Variants in PDGFD observed in about 807,000 individuals in gnomAD.
PDGFD encodes platelet-derived growth factor D.
A neutral mutation model predicts 44.7 loss-of-function variants in PDGFD; 30 were observed. The observed-to-expected ratio is 0.67, with a 90% CI of 0.50 to 0.91. The LOEUF (loss-of-function observed/expected upper bound fraction) is 0.91. Ranked by LOEUF, PDGFD falls within the 40% of genes least tolerant of loss-of-function variation. The pLI is 0.00. For synonymous variants in PDGFD, 173 were observed against 168.4 expected, an observed-to-expected ratio of 1.03 and a Z score of -0.21; for missense variants, 445 against 457.8, an observed-to-expected ratio of 0.97 and a Z score of 0.25.
chr11:104,100,177 G>A (rs1236986817), intron 1 of PDGFD, among the ~76,000 whole-genome samples: 1 of 151,986 alleles, frequency 6.6e-6, no homozygotes, highest in African/African-American at 2.4e-5. Context: ...ACACACCTCT[G>A]GTCATTGAAC....
intron 3 of PDGFD, among the ~76,000 whole-genome samples, chr11:103,978,619 A>G (rs954023546): frequency 2.6e-5 from 4 of 152,020 alleles, no homozygotes; most frequent in Non-Finnish European, 4.4e-5. Context: ...ACATTTTAGA[A>G]AGTGCTTTCC....
At chr11:104,093,239 AG>A (rs1861235377) in intron 1 of PDGFD, among the ~76,000 whole-genome samples, 1 of 152,058 alleles carries the variant, frequency 6.6e-6, no homozygotes, top group African/African-American at 2.4e-5. Flanking sequence ...TCTAGAGAAA[AG>A]TGATGGGGGG....
intron 4 of PDGFD, 70 bp downstream of exon 4, chr11:103,947,592 G>T: frequency 8.3e-7 from 1 of 1,200,220 alleles, no homozygotes; most frequent in Non-Finnish European, 1.2e-6. Context: ...TGCAGGTGAA[G>T]TCCTTTTGGG....
At chr11:103,970,604 A>G (rs1201087973) in intron 3 of PDGFD, among the ~76,000 whole-genome samples, 3 of 152,156 alleles carry the variant, frequency 2.0e-5, no homozygotes, top group African/African-American at 7.2e-5. Flanking sequence ...GGCTGGGAAA[A>G]TGACTTAAGA....
At chr11:104,126,679 A>T (rs1861845808) in intron 1 of PDGFD, among the ~76,000 whole-genome samples, 1 of 152,126 alleles carries the variant, frequency 6.6e-6, no homozygotes, top group Non-Finnish European at 1.5e-5. Flanking sequence ...GGTGCTATAT[A>T]ACTGACATGC....
At chr11:103,938,136 T>C (rs1858522250) in intron 5 of PDGFD, among the ~76,000 whole-genome samples, 1 of 151,948 alleles carries the variant, frequency 6.6e-6, no homozygotes, top group African/African-American at 2.4e-5. Flanking sequence ...CACACTGACT[T>C]CCACAATGGT....
intron 4 of PDGFD, among the ~76,000 whole-genome samples, chr11:103,944,094 C>T (rs1242170675): frequency 6.6e-6 from 1 of 152,128 alleles, no homozygotes; most frequent in Admixed American, 6.6e-5. Context: ...TCCCCCTTTA[C>T]AGGTCACCTG....
At chr11:104,140,113 C>T (rs967175291) in intron 1 of PDGFD, among the ~76,000 whole-genome samples, 3 of 152,030 alleles carry the variant, frequency 2.0e-5, no homozygotes, top group South Asian at 4.2e-4. Context: ...TCTGTCTGAA[C>T]GAGAAAAACC....
At chr11:103,914,885 C>A (rs1380434096) in intron 6 of PDGFD, among the ~76,000 whole-genome samples, 2 of 152,162 alleles carry the variant, frequency 1.3e-5, no homozygotes, top group Non-Finnish European at 2.9e-5. Flanking sequence ...AGGCCTTTGT[C>A]AAAATTCAAC....
At chr11:104,110,445 T>C (rs1023778133) in intron 1 of PDGFD, among the ~76,000 whole-genome samples, 15 of 151,586 alleles carry the variant, frequency 9.9e-5, no homozygotes, top group African/African-American at 3.6e-4. Flanking sequence ...GGCATTTCTG[T>C]TTCTTAATAC....
At chr11:103,943,423 T>C (rs1483603493) in intron 5 of PDGFD, 29 bp downstream of exon 5, 2 of 1,587,292 alleles carry the variant, frequency 1.3e-6, no homozygotes, top group Non-Finnish European at 1.7e-6. Context: ...TATGTGCTTA[T>C]GAAGAATGTA....
chr11:104,048,241 A>C (rs1860473980), intron 1 of PDGFD, among the ~76,000 whole-genome samples: 1 of 152,136 alleles, frequency 6.6e-6, no homozygotes, highest in African/African-American at 2.4e-5. Context: ...AGACAAATCC[A>C]GCCAGCTAAG....
intron 3 of PDGFD, among the ~76,000 whole-genome samples, chr11:103,967,042 T>C (rs1329422369): frequency 6.6e-6 from 1 of 152,186 alleles, no homozygotes; most frequent in Non-Finnish European, 1.5e-5. Flanking sequence ...ATTTTTAGTC[T>C]AATACTTTCA....
At chr11:103,983,680 G>C (rs1374205524) in intron 3 of PDGFD, among the ~76,000 whole-genome samples, 1 of 151,748 alleles carries the variant, frequency 6.6e-6, no homozygotes, top group Non-Finnish European at 1.5e-5. Context: ...TCTGACAAAA[G>C]TCTAATATCC....
chr11:104,039,311 A>G (rs1860308201), intron 1 of PDGFD: 2 of 157,344 alleles, frequency 1.3e-5, no homozygotes, highest in African/African-American at 4.8e-5. Flanking sequence ...CTTTTCAAGC[A>G]CTAAAACCTC....
chr11:104,118,856 T>C (rs1861688143), intron 1 of PDGFD, among the ~76,000 whole-genome samples: 1 of 59,582 alleles, frequency 1.7e-5, no homozygotes, highest in Non-Finnish European at 3.0e-5. Flanking sequence ...TTATATATTA[T>C]AATATATTAT....
chr11:103,920,151 T>G (rs894500314), intron 6 of PDGFD, among the ~76,000 whole-genome samples: 2 of 152,214 alleles, frequency 1.3e-5, no homozygotes, highest in Non-Finnish European at 2.9e-5. Context: ...CAGTGTTATA[T>G]TAAGAAGTTA....
chr11:103,956,653 G>C (rs1464869723), intron 3 of PDGFD, among the ~76,000 whole-genome samples: 1 of 151,830 alleles, frequency 6.6e-6, no homozygotes, highest in Non-Finnish European at 1.5e-5. Context: ...TTCCACAATG[G>C]TTGAACTAGT....
At chr11:104,103,292 G>C (rs909658685) in intron 1 of PDGFD, among the ~76,000 whole-genome samples, 1 of 151,862 alleles carries the variant, frequency 6.6e-6, no homozygotes, top group Admixed American at 6.6e-5. Flanking sequence ...ATTTTTATAA[G>C]TATAACCAAA....
Sources: allele counts gnomAD v4.1 joint callset (sites outside exome capture counted in the v4.1 genomes callset), GRCh38; gene constraint gnomAD v4.1.1; transcripts MANE v1.5; gene names NCBI Gene and HGNC (gene_info 2026-07-23, HGNC 2026-07-21).